Variants in RAB2A observed in about 807,000 individuals in gnomAD.
RAB2A encodes RAB2A, member RAS oncogene family.
RAB2A carries 7 observed loss-of-function variants against 32.5 expected under a neutral mutation model. That is an observed-to-expected ratio of 0.22 (90% CI 0.12 to 0.40). The LOEUF (loss-of-function observed/expected upper bound fraction) is 0.40. Among genes scored for constraint, RAB2A ranks in the 10% least tolerant of loss-of-function variants. The probability of loss-of-function intolerance (pLI) is 1.00; values close to 1 mark genes in which losing one functional copy is unlikely to be tolerated. For missense variants in RAB2A, 108 were observed against 260.7 expected (o/e 0.41, Z 4.03); for synonymous variants, 79 against 85.2 (o/e 0.93, Z 0.40).
At position 60,527,229 on chromosome 8, in the gene RAB2A, G is replaced by T. The variant is rs148342694; in HGVS notation, c.46+9976G>T. On this transcript the variant is annotated intron_variant, in intron 1 of 7. Transcript: ENST00000262646. The stretch of plus-strand genomic sequence containing the variant: ...CTCACTGTCACTGAGAACAGCAAGG[G>T]GAGGAATCCACCTCTGTGACCCAAT... Among the ~76,000 whole-genome samples, 28 of 152,206 alleles carry T rather than the reference G, an allele frequency of 1.8e-4. 1 individual carries two copies. The East Asian group carries it at 5.2e-3, about 28-fold the overall frequency.
chr8:60,516,959 G>C (rs958690792), upstream of RAB2A: 5 of 397,348 alleles, frequency 1.3e-5, no homozygotes, highest in Middle Eastern at 6.6e-4. Context: ...CGGCGCGGAG[G>C]CGGGGCGGAG....
chr8:60,611,617 T>C (rs1379370565), intron 6 of RAB2A, among the ~76,000 whole-genome samples: 5 of 152,236 alleles, frequency 3.3e-5, no homozygotes, highest in African/African-American at 1.2e-4. Flanking sequence ...CAGGAAATGC[T>C]TATTAAATGG....
chr8:60,519,733 G>A (rs1290449952), intron 1 of RAB2A, among the ~76,000 whole-genome samples: 1 of 152,178 alleles, frequency 6.6e-6, no homozygotes, highest in Admixed American at 6.5e-5. Context: ...TTCAGGAAGA[G>A]CGTAGTAGAA....
At chr8:60,546,821 C>G (rs904561941) in intron 1 of RAB2A, among the ~76,000 whole-genome samples, 15 of 150,570 alleles carry the variant, frequency 1.0e-4, no homozygotes, top group African/African-American at 3.7e-4. Context: ...GCTGACAGTT[C>G]AATCAGCATC....
intron 1 of RAB2A, among the ~76,000 whole-genome samples, chr8:60,542,704 A>G (rs994068911): frequency 5.9e-5 from 9 of 152,340 alleles, no homozygotes; most frequent in African/African-American, 1.2e-4. Flanking sequence ...CAGAAATAGT[A>G]GTAGATGATT....
chr8:60,551,586 A>G lies in RAB2A; in HGVS notation c.47-7266A>G, dbSNP rs565798867. Among the ~76,000 whole-genome samples, 134 of 152,328 alleles carry G rather than the reference A, an allele frequency of 8.8e-4. 2 individuals are homozygous for G. In the South Asian group the frequency reaches 0.012, roughly 14 times the overall value. Reference sequence around the variant, plus strand: ...TGAGGCACTAAAAAGATAACTACAGATGGTCTCTGTCTTTTGATGGTTTGA... The same window carrying G: ...TGAGGCACTAAAAAGATAACTACAGGTGGTCTCTGTCTTTTGATGGTTTGA... On this transcript the variant is annotated intron_variant, in intron 1 of 7. Transcript: ENST00000262646.
At chr8:60,548,729 C>G (rs1179138930) in intron 1 of RAB2A, among the ~76,000 whole-genome samples, 1 of 134,668 alleles carries the variant, frequency 7.4e-6, no homozygotes, top group South Asian at 2.4e-4. Context: ...GGCAGAGGCA[C>G]CCCTCACCTG....
chr8:60,527,615 A>G (rs2130808170), intron 1 of RAB2A, among the ~76,000 whole-genome samples: 1 of 152,322 alleles, frequency 6.6e-6, no homozygotes, highest in South Asian at 2.1e-4. Flanking sequence ...ATATCAGGAC[A>G]TTTATACTCA....
chr8:60,518,888 G>A (rs769897273), intron 1 of RAB2A, among the ~76,000 whole-genome samples: 9 of 152,156 alleles, frequency 5.9e-5, no homozygotes, highest in Non-Finnish European at 1.3e-4. Flanking sequence ...TGTGACTGTG[G>A]CATTTGGCTA....
chr8:60,532,218 T>C (rs1807487654), intron 1 of RAB2A, among the ~76,000 whole-genome samples: 1 of 152,248 alleles, frequency 6.6e-6, no homozygotes, highest in African/African-American at 2.4e-5. Context: ...TAGAAGTCTT[T>C]GATATAAATA....
chr8:60,561,756 C>T (rs368948303), intron 2 of RAB2A, among the ~76,000 whole-genome samples: 1 of 152,162 alleles, frequency 6.6e-6, no homozygotes, highest in Non-Finnish European at 1.5e-5. Flanking sequence ...TTTCATGGGC[C>T]CAGAATCACT....
intron 1 of RAB2A, among the ~76,000 whole-genome samples, chr8:60,521,510 T>A: frequency 6.6e-6 from 1 of 152,252 alleles, no homozygotes; most frequent in East Asian, 1.9e-4. Flanking sequence ...AATTAACTAC[T>A]CAAGCTTACT....
At chr8:60,526,504 A>G (rs1807391719) in intron 1 of RAB2A, among the ~76,000 whole-genome samples, 1 of 152,204 alleles carries the variant, frequency 6.6e-6, no homozygotes, top group African/African-American at 2.4e-5. Flanking sequence ...TGGATAATAC[A>G]TGCTAATCTC....
At chr8:60,600,548 C>G (rs1013613622) in intron 6 of RAB2A, among the ~76,000 whole-genome samples, 1 of 152,144 alleles carries the variant, frequency 6.6e-6, no homozygotes, top group African/African-American at 2.4e-5. Context: ...CTGTTGCACC[C>G]CTGGACATTT....
rs116369328 is a variant in RAB2A, at chr8:60,581,643, A to G, written c.187-2565A>G. On this transcript the variant is annotated intron_variant, in intron 3 of 7. Coordinates refer to ENST00000262646, the MANE Select transcript of RAB2A (RefSeq NM_002865.3). ...AGGATTTACAGTGAAATTAATCCCTAAAGATCTAGTCCTTAGTTTTTCTGT... is the reference window on the plus strand; with the variant it reads ...AGGATTTACAGTGAAATTAATCCCTGAAGATCTAGTCCTTAGTTTTTCTGT... 6.2e-3 allele frequency among the ~76,000 whole-genome samples: 949 copies of G among 152,258 alleles called. 10 individuals carry two copies. Among genetic ancestry groups the G allele is most frequent in the African/African-American group, 0.021 (863 of 41,542 alleles).
At chr8:60,606,676 T>C (rs1166371041) in intron 6 of RAB2A, among the ~76,000 whole-genome samples, 3 of 152,212 alleles carry the variant, frequency 2.0e-5, no homozygotes, top group Admixed American at 6.5e-5. Flanking sequence ...CACATAGATA[T>C]TTATTGTATA....
In RAB2A at chr8:60,620,785, C is replaced by G. The variant is rs780537404; in HGVS notation, c.*16C>G. On this transcript the variant is annotated 3_prime_UTR_variant, in exon 8 of 8. Coordinates refer to ENST00000262646, the MANE Select transcript of RAB2A (RefSeq NM_002865.3). Reference sequence around the variant, plus strand: ...CTGCTGTTGAGTCTGTTTTTACTGTCTAGCTGCCCAACGGGGCCTACTCAC... The same window carrying G: ...CTGCTGTTGAGTCTGTTTTTACTGTGTAGCTGCCCAACGGGGCCTACTCAC... 6.2e-7 allele frequency: 1 copy of G among 1,606,614 alleles called. No homozygotes were observed. The highest frequency in any genetic ancestry group is 8.5e-7 in the Non-Finnish European group (1 of 1,176,862).
chr8:60,566,283 A>T (rs555214403), intron 2 of RAB2A, among the ~76,000 whole-genome samples: 93 of 152,262 alleles, frequency 6.1e-4, no homozygotes, highest in African/African-American at 2.1e-3. Flanking sequence ...ACTGCAGCTC[A>T]TTCAGTTTTT....
At chr8:60,586,394 GA>G (rs1803848835) in intron 5 of RAB2A, among the ~76,000 whole-genome samples, 1 of 106,944 alleles carries the variant, frequency 9.4e-6, no homozygotes, top group Non-Finnish European at 2.0e-5. Flanking sequence ...AAAAAAAAAA[GA>G]GAGAGAGAAA....
Sources: allele counts gnomAD v4.1 joint callset (sites outside exome capture counted in the v4.1 genomes callset), GRCh38; gene constraint gnomAD v4.1.1; transcripts MANE v1.5; gene names NCBI Gene and HGNC (gene_info 2026-07-23, HGNC 2026-07-21).